PLEKHB2: variants seen among roughly 807,000 people sequenced by gnomAD.
PLEKHB2 encodes pleckstrin homology domain containing B2, also known as pleckstrin homology domain-containing family B member 2.
In PLEKHB2, 31 loss-of-function variants were observed where a neutral mutation model predicts 36.5. That is an observed-to-expected ratio of 0.85 (90% confidence interval 0.64 to 1.15). The LOEUF (loss-of-function observed/expected upper bound fraction) is 1.15, where lower values mean the gene tolerates loss of function less well. PLEKHB2 is among the 50% of genes most tolerant of loss of function. PLEKHB2 has a pLI of 0.00. For synonymous variants in PLEKHB2, 119 were observed against 112.0 expected (o/e 1.06, Z -0.39); for missense variants, 262 against 295.3 (o/e 0.89, Z 0.83).
At chr2:131,135,632 C>T (rs976156531) in intron 6 of PLEKHB2, among the ~76,000 whole-genome samples, 1 of 151,692 alleles carries the variant, frequency 6.6e-6, no homozygotes, top group East Asian at 2.0e-4. Context: ...GATGGAGTCT[C>T]GCTCTGTCAC....
chr2:131,105,662 GC>G (rs1041803196), intron 1 of PLEKHB2, among the ~76,000 whole-genome samples: 2 of 151,802 alleles, frequency 1.3e-5, no homozygotes, highest in Non-Finnish European at 1.5e-5. Flanking sequence ...CTCCCAGTGG[GC>G]CCCCCCGGCC....
At chr2:131,123,994 T>C (rs1182061703) in intron 2 of PLEKHB2, among the ~76,000 whole-genome samples, 1 of 151,942 alleles carries the variant, frequency 6.6e-6, no homozygotes, top group Non-Finnish European at 1.5e-5. Flanking sequence ...GACTGCTGGC[T>C]TGTGTTAGCA....
In PLEKHB2 at chr2:131,132,939, C is replaced by A; in HGVS notation, c.371C>A (p.Ser124Tyr). Residue 124 changes from serine to tyrosine, a missense_variant, in exon 6 of 8, where the codon TCC becomes TAC. Coordinates refer to ENST00000693505, the MANE Select transcript of PLEKHB2 (RefSeq NM_001100623.2). The stretch of plus-strand genomic sequence containing the variant: ...TCTGCAGTCATGACCGATGAGACAT[C>A]CGTGGTTTCCTCACCTCCACCATAC... ...VGSAVMTDET[S>Y]VVSSPPPYTA... The A allele has an allele frequency of 6.2e-7, 1 of 1,613,882 alleles. No individual in the cohort carries two copies. Among genetic ancestry groups the A allele is most frequent in the Non-Finnish European group, 8.5e-7 (1 of 1,179,750 alleles).
chr2:131,106,009 C>T (rs1288823290), intron 1 of PLEKHB2, among the ~76,000 whole-genome samples: 2 of 152,228 alleles, frequency 1.3e-5, no homozygotes, highest in African/African-American at 2.4e-5. Context: ...TGCATTTCAC[C>T]TGCTCTTGGC....
In PLEKHB2 at chr2:131,124,126, T is replaced by C. The variant is rs182655752; in HGVS notation, c.38-1627T>C. Among the ~76,000 whole-genome samples the C allele has an allele frequency of 1.0e-3, 152 of 152,312 alleles. 1 individual carries two copies. The highest frequency in any genetic ancestry group is 3.3e-3 in the African/African-American group (139 of 41,568). Reference sequence around the variant, plus strand: ...TCCCAAAGTGCTGGAATTACAGATATGAGCCATTGCGCCCAGCCTATTTGG... The same window carrying C: ...TCCCAAAGTGCTGGAATTACAGATACGAGCCATTGCGCCCAGCCTATTTGG... On this transcript the variant is annotated intron_variant, in intron 2 of 7. Coordinates refer to ENST00000693505, the MANE Select transcript of PLEKHB2 (RefSeq NM_001100623.2).
At chr2:131,107,229 G>A (rs1402776130) in intron 1 of PLEKHB2, among the ~76,000 whole-genome samples, 2 of 152,218 alleles carry the variant, frequency 1.3e-5, no homozygotes, top group African/African-American at 4.8e-5. Flanking sequence ...CAAAGTGGGG[G>A]CTAATTGACC....
At chr2:131,141,626 C>T (rs1416551283) in intron 7 of PLEKHB2, among the ~76,000 whole-genome samples, 21 of 132,670 alleles carry the variant, frequency 1.6e-4, no homozygotes, top group African/African-American at 6.0e-5. Context: ...GGCGACAGAA[C>T]GAGACTCCGT....
At position 131,135,396 on chromosome 2, in the gene PLEKHB2, C is replaced by T. The variant is rs190137392; in HGVS notation, c.423+2405C>T. 5.8e-4 allele frequency among the ~76,000 whole-genome samples: 88 copies of T among 152,260 alleles called. 1 individual carries two copies. The highest frequency in any genetic ancestry group is 1.9e-3 in the African/African-American group (78 of 41,568). On this transcript the variant is annotated intron_variant, in intron 6 of 7. Transcript: ENST00000693505. ...CCTGTAAACTTTCTAAGCTCACTTA[C>T]TCTATTTCCTTTTTCTGTAGATTCT... is the stretch of plus-strand genomic sequence containing the variant.
At position 131,144,485 on chromosome 2, in the gene PLEKHB2, A is replaced by G. The variant is rs1244209204; in HGVS notation, c.533-2152A>G. On this transcript the variant is annotated intron_variant, in intron 7 of 7. Transcript: ENST00000693505. ...GAGCAGACTTCTAGATTTGGGGACTATAGTCCTCCCATCCTCCCATCTTTT... is the reference window on the plus strand; with the variant it reads ...GAGCAGACTTCTAGATTTGGGGACTGTAGTCCTCCCATCCTCCCATCTTTT... 8.6e-6 allele frequency: 8 copies of G among 933,818 alleles called. No homozygotes were observed. The East Asian group carries it at 1.6e-4, about 19-fold the overall frequency. 57.8% of individuals were successfully genotyped at this position (933,818 alleles called of 1,614,324 possible). A position where few individuals can be genotyped will look rare whatever the true frequency, so the allele number is the denominator to read the frequency against.
At position 131,130,724 on chromosome 2, in the gene PLEKHB2, C is replaced by T; in HGVS notation, c.297C>T (p.Ala99=). Residue 99 remains alanine (A), a synonymous_variant, in exon 5 of 8, where the codon GCC becomes GCT. Transcript: ENST00000693505. ...LCAESTDDCL[A]WKFTLQDSRT... is the part of the protein sequence containing the mutation. ...GTACCCTTTTTCTTTTCTCCAGGGCCTGGAAATTTACACTCCAAGATTCTA... is the reference window on the plus strand; with the variant it reads ...GTACCCTTTTTCTTTTCTCCAGGGCTTGGAAATTTACACTCCAAGATTCTA... 6.2e-7 allele frequency: 1 copy of T among 1,608,108 alleles called. No individual in the cohort carries two copies. Among genetic ancestry groups the T allele is most frequent in the Middle Eastern group, 1.7e-4 (1 of 6,046 alleles).
chr2:131,120,031 C>T (rs917050252), intron 1 of PLEKHB2, among the ~76,000 whole-genome samples: 4 of 149,812 alleles, frequency 2.7e-5, no homozygotes, highest in African/African-American at 9.9e-5. Context: ...TGCAGTGGTG[C>T]AATCTCGGCT....
chr2:131,117,018 A>G (rs1695946436), intron 1 of PLEKHB2, among the ~76,000 whole-genome samples: 2 of 152,080 alleles, frequency 1.3e-5, no homozygotes, highest in South Asian at 4.1e-4. Flanking sequence ...GCTGCTTGGG[A>G]GGCTGAGGCA....
In PLEKHB2 at chr2:131,134,094, T is replaced by A. The variant is rs915106306; in HGVS notation, c.423+1103T>A. 3.4e-4 allele frequency among the ~76,000 whole-genome samples: 51 copies of A among 151,792 alleles called. 1 individual carries two copies. The highest frequency in any genetic ancestry group is 6.6e-5 in the Admixed American group (1 of 15,226). On this transcript the variant is annotated intron_variant, in intron 6 of 7. Coordinates refer to ENST00000693505, the MANE Select transcript of PLEKHB2 (RefSeq NM_001100623.2). Reference sequence around the variant, plus strand: ...TTTTGTATTTTTAGTAGAGACGGGGTTTCACTGTGTTAGCCAGGATGGTCT... The same window carrying A: ...TTTTGTATTTTTAGTAGAGACGGGGATTCACTGTGTTAGCCAGGATGGTCT...
chr2:131,110,892 A>AC (rs2104774129), intron 1 of PLEKHB2, among the ~76,000 whole-genome samples: 1 of 152,206 alleles, frequency 6.6e-6, no homozygotes, highest in Admixed American at 6.5e-5. Context: ...ATCATGCTGG[A>AC]CAGTCATTGG....
At position 131,132,888 on chromosome 2, in the gene PLEKHB2, C is replaced by T. The variant is rs773452502; in HGVS notation, c.334-14C>T. 6 of 1,533,384 alleles carry T rather than the reference C, an allele frequency of 3.9e-6. No homozygotes were observed. The East Asian group carries it at 1.3e-4, about 34-fold the overall frequency. 95.0% of individuals were successfully genotyped at this position (1,533,384 alleles called of 1,614,324 possible). ...GGAAGCTGTCCTGTCCTCACCCTCT[C>T]CTGTCTCCCGCAGGCGTATGTGGGC... On this transcript the variant is annotated splice_polypyrimidine_tract_variant and intron_variant, in intron 5 of 7. Coordinates refer to ENST00000693505, the MANE Select transcript of PLEKHB2 (RefSeq NM_001100623.2).
chr2:131,135,187 T>G (rs1181056299), intron 6 of PLEKHB2, among the ~76,000 whole-genome samples: 1 of 152,042 alleles, frequency 6.6e-6, no homozygotes, highest in African/African-American at 2.4e-5. Context: ...TTCTCCTGCC[T>G]CAGCCTCCTG....
At chr2:131,130,915 A>G (rs1176636502) in intron 5 of PLEKHB2, among the ~76,000 whole-genome samples, 155 bp downstream of exon 5, 1 of 151,856 alleles carries the variant, frequency 6.6e-6, no homozygotes, top group East Asian at 1.9e-4. Context: ...CCTTCCCAGT[A>G]GCTGGGACTA....
intron 7 of PLEKHB2, among the ~76,000 whole-genome samples, chr2:131,142,684 G>A (rs902689468): frequency 4.6e-5 from 7 of 150,932 alleles, no homozygotes; most frequent in Non-Finnish European, 8.8e-5. Flanking sequence ...AGATTCTCCT[G>A]CTTCAGCCTC....
intron 2 of PLEKHB2, among the ~76,000 whole-genome samples, chr2:131,121,374 G>A (rs866348007): frequency 5.3e-5 from 8 of 152,028 alleles, no homozygotes; most frequent in Non-Finnish European, 7.4e-5. Context: ...TCAGCCTCCC[G>A]AGTAGCTGGG....
Sources: gnomAD v4.1 joint callset for allele counts (sites outside exome capture counted in the v4.1 genomes callset) on GRCh38, gnomAD v4.1.1 for gene constraint, MANE v1.5 for transcripts, NCBI Gene and HGNC (gene_info 2026-07-23, HGNC 2026-07-21) for gene names.